The following ANGPT1 variants were observed in gnomAD, a reference collection of about 807,000 sequenced individuals.
The protein encoded by ANGPT1 is angiopoietin 1.
ANGPT1 carries 17 observed loss-of-function variants against 62.2 expected under a neutral mutation model. The observed-to-expected ratio is 0.27, with a 90% CI of 0.19 to 0.41. The LOEUF (loss-of-function observed/expected upper bound fraction) is 0.41, where lower values mean the gene tolerates loss of function less well. Among genes scored for constraint, ANGPT1 ranks in the 10% least tolerant of loss-of-function variants. The probability of loss-of-function intolerance (pLI) is 1.00; values close to 1 mark genes in which losing one functional copy is unlikely to be tolerated. For missense variants in ANGPT1, 478 were observed against 594.9 expected (o/e 0.80, Z 2.04); for synonymous variants, 199 against 198.9 (o/e 1.00, Z 0.00).
intron 1 of ANGPT1, among the ~76,000 whole-genome samples, chr8:107,404,400 T>C (rs539191199): frequency 6.6e-6 from 1 of 152,280 alleles, no homozygotes; most frequent in South Asian, 2.1e-4. Context: ...TAACCACTGT[T>C]AAATTTAAGA....
chr8:107,296,031 T>C lies in ANGPT1; in HGVS notation c.937-1994A>G, dbSNP rs75132184. ...CAACAATAAGCTCTGGATCTGGGATTTAAAATTGATTTGAACTGGATTCAG... is the reference window on the plus strand; with the variant it reads ...CAACAATAAGCTCTGGATCTGGGATCTAAAATTGATTTGAACTGGATTCAG... On this transcript the variant is annotated intron_variant, in intron 5 of 8. Coordinates refer to ENST00000517746, the MANE Select transcript of ANGPT1 (RefSeq NM_001146.5). Among the ~76,000 whole-genome samples the C allele has an allele frequency of 1.5e-4, 23 of 152,248 alleles. No homozygotes were observed. The East Asian group carries it at 4.3e-3, about 28-fold the overall frequency.
rs184108141 is a variant in ANGPT1 at position 107,491,881 on chromosome 8, C to T, written c.297+5381G>A. ...TGAGAGGAGTGCTATTAAAAGAAAG[C>T]TCAATGTGAAATGGTACAGTCAGGG... On this transcript the variant is annotated intron_variant, in intron 1 of 8. Transcript: ENST00000517746. Among the ~76,000 whole-genome samples the T allele has an allele frequency of 5.8e-3, 883 of 152,162 alleles. 7 individuals carry two copies. The highest frequency in any genetic ancestry group is 9.3e-3 in the Non-Finnish European group (631 of 67,996).
chr8:107,441,465 G>A (rs1205446136), intron 1 of ANGPT1, among the ~76,000 whole-genome samples: 1 of 151,988 alleles, frequency 6.6e-6, no homozygotes, highest in Non-Finnish European at 1.5e-5. Context: ...TGCTCTACTG[G>A]ATTTTCTCCA....
intron 1 of ANGPT1, among the ~76,000 whole-genome samples, chr8:107,472,141 A>C (rs182514877): frequency 6.6e-6 from 1 of 152,070 alleles, no homozygotes; most frequent in Non-Finnish European, 1.5e-5. Context: ...ATGGGTTTTG[A>C]AAAAGAGAAC....
chr8:107,373,648 T>G (rs939748286), intron 1 of ANGPT1, among the ~76,000 whole-genome samples: 21 of 152,176 alleles, frequency 1.4e-4, no homozygotes, highest in Non-Finnish European at 2.8e-4. Context: ...GATGGAAGTT[T>G]TTCTTTCTAG....
Position 107,284,736 on chromosome 8 carries a change from C to T in ANGPT1, c.1151G>A (p.Arg384Gln), listed in dbSNP as rs146465357. The T allele has an allele frequency of 9.5e-4, 1,525 of 1,609,992 alleles. 9 individuals carry two copies. The Middle Eastern group carries it at 0.037, about 39-fold the overall frequency. ...GAATCTGTCATACTGTGAATAGGCT[C>T]GGTTCCCTTCCCAGTCCATTAACTC... ...RIELMDWEGN[R>Q]AYSQYDRFHI... is the part of the protein sequence containing the mutation. The change falls in exon 7 of 9, where the codon CGA becomes CAA. Residue 384 changes from arginine to glutamine, a missense_variant. Physicochemically the swap from Arg to Gln is conservative, Grantham distance 43. Transcript: ENST00000517746.
intron 1 of ANGPT1, among the ~76,000 whole-genome samples, chr8:107,387,829 T>C (rs1816760812): frequency 6.6e-6 from 1 of 152,024 alleles, no homozygotes; most frequent in African/African-American, 2.4e-5. Flanking sequence ...GAGGAACTAT[T>C]GATGCTGTTC....
intron 1 of ANGPT1, among the ~76,000 whole-genome samples, chr8:107,395,910 A>G (rs1488657896): frequency 6.6e-6 from 1 of 152,170 alleles, no homozygotes; most frequent in Non-Finnish European, 1.5e-5. Context: ...GGAGATTATC[A>G]AGGCATTTTT....
intron 6 of ANGPT1, among the ~76,000 whole-genome samples, chr8:107,288,910 C>T (rs1193096501): frequency 6.6e-6 from 1 of 151,992 alleles, no homozygotes; most frequent in Non-Finnish European, 1.5e-5. Context: ...CTTTATTTTA[C>T]CCCCAATAGC....
At chr8:107,482,364 C>T (rs758574665) in intron 1 of ANGPT1, among the ~76,000 whole-genome samples, 2 of 152,132 alleles carry the variant, frequency 1.3e-5, no homozygotes, top group Non-Finnish European at 1.5e-5. Flanking sequence ...GACCAGAAAG[C>T]TTTGAAGGCT....
At chr8:107,428,289 T>C (rs1185180035) in intron 1 of ANGPT1, among the ~76,000 whole-genome samples, 1 of 152,200 alleles carries the variant, frequency 6.6e-6, no homozygotes, top group East Asian at 1.9e-4. Flanking sequence ...GGGTATAATG[T>C]CTCCCATGTG....
rs1815088366 is a variant in ANGPT1 at position 107,319,037 on chromosome 8, A to T, written c.808+2859T>A. Among the ~76,000 whole-genome samples the T allele has an allele frequency of 2.6e-5, 4 of 152,192 alleles. No individual in the cohort carries two copies. The South Asian group carries it at 8.3e-4, about 31-fold the overall frequency. ...GTATTTAAACATTTTCTGCAGAGGA[A>T]GTTTTGCTTATAAAGCACATAATGA... On this transcript the variant is annotated intron_variant, in intron 4 of 8. Coordinates refer to ENST00000517746, the MANE Select transcript of ANGPT1 (RefSeq NM_001146.5).
Position 107,284,780 on chromosome 8 carries a change from C to T in ANGPT1, c.1107G>A (p.Arg369=), listed in dbSNP as rs772517080. 30 of 1,611,436 alleles carry T rather than the reference C, an allele frequency of 1.9e-5. No homozygotes were observed. In the Middle Eastern group the frequency reaches 8.3e-4, roughly 44 times the overall value. The change falls in exon 7 of 9, where the codon AGG becomes AGA. Residue 369 remains arginine, a synonymous_variant. Transcript: ENST00000517746. ...TTAACTCAATTCTTAGCATGTACTGCCTCTGACTGGTAATGGCAAAAATAA... is the reference window on the plus strand; with the variant it reads ...TTAACTCAATTCTTAGCATGTACTGTCTCTGACTGGTAATGGCAAAAATAA... ...NEFIFAITSQ[R]QYMLRIELMD... is the part of the protein sequence containing the mutation.
chr8:107,267,113 A>G (rs1813632385), intron 7 of ANGPT1, among the ~76,000 whole-genome samples: 1 of 152,088 alleles, frequency 6.6e-6, no homozygotes, highest in Non-Finnish European at 1.5e-5. Context: ...CTATAAGTAA[A>G]GCTTCTGCCC....
chr8:107,314,100 G>A (rs537472658), intron 4 of ANGPT1, among the ~76,000 whole-genome samples: 3 of 152,282 alleles, frequency 2.0e-5, no homozygotes, highest in African/African-American at 7.2e-5. Context: ...ACTTGAGTGT[G>A]GATGAGACCA....
intron 1 of ANGPT1, among the ~76,000 whole-genome samples, chr8:107,462,543 T>C (rs1447407559): frequency 1.3e-5 from 2 of 151,992 alleles, no homozygotes; most frequent in East Asian, 3.9e-4. Flanking sequence ...ACATACTTCA[T>C]GTCACAGGTG....
chr8:107,425,554 C>T (rs1811018352), intron 1 of ANGPT1, among the ~76,000 whole-genome samples: 1 of 152,216 alleles, frequency 6.6e-6, no homozygotes, highest in Non-Finnish European at 1.5e-5. Context: ...CACTGCTCCT[C>T]TACATCCTTT....
intron 1 of ANGPT1, among the ~76,000 whole-genome samples, chr8:107,387,396 C>A (rs1452656322): frequency 6.6e-6 from 1 of 152,000 alleles, no homozygotes; most frequent in East Asian, 1.9e-4. Flanking sequence ...ACATAAAAGG[C>A]CAAAATGCTA....
At chr8:107,470,287 T>C (rs536694098) in intron 1 of ANGPT1, among the ~76,000 whole-genome samples, 99 of 152,230 alleles carry the variant, frequency 6.5e-4, no homozygotes, top group Non-Finnish European at 9.6e-4. Flanking sequence ...GCTTTCTTAC[T>C]CAATTTTGAA....
Sources: gnomAD v4.1 joint callset for allele counts (sites outside exome capture counted in the v4.1 genomes callset) on GRCh38, gnomAD v4.1.1 for gene constraint, MANE v1.5 for transcripts, NCBI Gene and HGNC (gene_info 2026-07-23, HGNC 2026-07-21) for gene names.